Variants in TSPEAR observed in about 807,000 individuals in gnomAD.
TSPEAR encodes thrombospondin type laminin G domain and EAR repeats, also known as thrombospondin-type laminin G domain and EAR repeat-containing protein.
TSPEAR carries 69 observed loss-of-function variants against 71.6 expected under a neutral mutation model. That is an observed-to-expected ratio of 0.96 (90% confidence interval 0.79 to 1.18). The LOEUF (loss-of-function observed/expected upper bound fraction) is 1.18, where lower values mean the gene tolerates loss of function less well. Among genes scored for constraint, TSPEAR ranks in the 50% most tolerant of loss-of-function variants. The pLI, the probability that TSPEAR is intolerant of heterozygous loss-of-function variation, is 0.00. For missense variants in TSPEAR, 971 were observed against 894.9 expected, an observed-to-expected ratio of 1.09 and a Z score of -1.09; for synonymous variants, 402 against 387.2, an observed-to-expected ratio of 1.04 and a Z score of -0.45.
At chr21:44,510,048 CACTT>C (rs2052324466) in intron 9 of TSPEAR, 1 of 152,676 alleles carries the variant, frequency 6.5e-6, no homozygotes, top group East Asian at 1.9e-4. Flanking sequence ...CTCCATAAAT[CACTT>C]ACCACCGTCA....
At chr21:44,601,983 G>A (rs1017369509) in intron 1 of TSPEAR, 7 of 615,756 alleles carry the variant, frequency 1.1e-5, no homozygotes, top group African/African-American at 7.4e-5. Context: ...CAAGGCCAGC[G>A]GGTGCTCCCA....
At chr21:44,677,437 G>A in intron 1 of TSPEAR, 1 of 922,352 alleles carries the variant, frequency 1.1e-6, no homozygotes. Context: ...TTTGCAGTTT[G>A]CCTCAGAGCA....
At position 44,579,865 on chromosome 21, in the gene TSPEAR, G is replaced by T. The variant is rs1183332221; in HGVS notation, c.83-11860C>A. 5.4e-5 allele frequency: 86 copies of T among 1,598,270 alleles called. 1 individual carries two copies. Among genetic ancestry groups the T allele is most frequent in the Non-Finnish European group, 7.1e-5 (83 of 1,168,896 alleles). On this transcript the variant is annotated intron_variant, in intron 1 of 11. Transcript: ENST00000323084. ...AGGAGGAGGCAGGGGCACAGCAGGAGGAGATGGGCAGGCAGCAGGCGGGCC... is the reference window on the plus strand; with the variant it reads ...AGGAGGAGGCAGGGGCACAGCAGGATGAGATGGGCAGGCAGCAGGCGGGCC...
At chr21:44,570,562 C>T (rs587608619) in intron 1 of TSPEAR, among the ~76,000 whole-genome samples, 1 of 152,238 alleles carries the variant, frequency 6.6e-6, no homozygotes, top group South Asian at 2.1e-4. Context: ...CAGGTATAGC[C>T]ACTGAGGATG....
At chr21:44,701,812 C>A (rs1242257994) in intron 1 of TSPEAR, among the ~76,000 whole-genome samples, 1 of 152,242 alleles carries the variant, frequency 6.6e-6, no homozygotes, top group Non-Finnish European at 1.5e-5. Context: ...TAACAGGCCA[C>A]GGCTGTAGTG....
At chr21:44,629,686 G>A (rs2146207560) in intron 1 of TSPEAR, among the ~76,000 whole-genome samples, 1 of 152,286 alleles carries the variant, frequency 6.6e-6, no homozygotes, top group East Asian at 1.9e-4. Flanking sequence ...CTGCAGCGAT[G>A]GACATTTGGA....
At chr21:44,618,738 C>T (rs1982263990) in intron 1 of TSPEAR, among the ~76,000 whole-genome samples, 6 of 152,190 alleles carry the variant, frequency 3.9e-5, no homozygotes, top group Admixed American at 3.3e-4. Flanking sequence ...AGGACTAACA[C>T]ACAGGGCTTG....
rs782130059 is a variant in TSPEAR, at chr21:44,601,440, T to C, written c.83-33435A>G. 118 of 1,610,076 alleles carry C rather than the reference T, an allele frequency of 7.3e-5. 1 individual carries two copies. The East Asian group carries it at 2.7e-3, about 36-fold the overall frequency. On this transcript the variant is annotated intron_variant, in intron 1 of 11. Transcript: ENST00000323084. ...GCTGCGTGCCCGTCTGCTGTAAGCC[T>C]GTGTGCTGTGTGCCCGTCTGCTCTG... is the stretch of plus-strand genomic sequence containing the variant.
intron 1 of TSPEAR, chr21:44,677,601 G>T (rs2838627): frequency 0.76 from 792,037 of 1,047,588 alleles, 299,647 homozygotes; most frequent in African/African-American, 0.83. Context: ...TTCATCAATT[G>T]CAGGGTGATC....
At chr21:44,540,066 G>T in intron 2 of TSPEAR, 1 of 1,613,422 alleles carries the variant, frequency 6.2e-7, no homozygotes. Flanking sequence ...CAGCAGTGGG[G>T]CTCACAGCAG....
At chr21:44,512,555 G>C (rs957670737) in intron 9 of TSPEAR, among the ~76,000 whole-genome samples, 1 of 152,198 alleles carries the variant, frequency 6.6e-6, no homozygotes, top group Non-Finnish European at 1.5e-5. Flanking sequence ...GGAGCGTAGG[G>C]TGGAGGTGGC....
chr21:44,617,129 C>G (rs1982153005), intron 1 of TSPEAR, among the ~76,000 whole-genome samples: 1 of 152,208 alleles, frequency 6.6e-6, no homozygotes, highest in Non-Finnish European at 1.5e-5. Flanking sequence ...TCCTCCACAC[C>G]CCCAGCATGG....
chr21:44,624,151 T>C (rs1307076052), intron 1 of TSPEAR, among the ~76,000 whole-genome samples: 3 of 152,242 alleles, frequency 2.0e-5, no homozygotes, highest in Non-Finnish European at 4.4e-5. Flanking sequence ...CTCCCTTTCT[T>C]CACTAATCTT....
chr21:44,589,280 G>A (rs1409013835), intron 1 of TSPEAR, among the ~76,000 whole-genome samples: 1 of 152,182 alleles, frequency 6.6e-6, no homozygotes, highest in Non-Finnish European at 1.5e-5. Flanking sequence ...CCTTTTCATG[G>A]CTGAATAATA....
At chr21:44,575,968 G>A (rs1601436209) in intron 1 of TSPEAR, among the ~76,000 whole-genome samples, 1 of 152,218 alleles carries the variant, frequency 6.6e-6, no homozygotes, top group East Asian at 1.9e-4. Flanking sequence ...TGACCACCAT[G>A]AGCCCAGGGC....
chr21:44,509,409 G>A (rs1555912349), intron 9 of TSPEAR, 23 bp from the exon 10 acceptor site: 9 of 1,594,136 alleles, frequency 5.6e-6, no homozygotes, highest in East Asian at 2.3e-5. Context: ...GAGAGCAGGT[G>A]CAGAGGTGTG....
In TSPEAR at chr21:44,695,429, C is replaced by T. The variant is rs1463017749; in HGVS notation, c.82+16004G>A. Among the ~76,000 whole-genome samples, 1 of 152,148 alleles carries T rather than the reference C, an allele frequency of 6.6e-6. No homozygotes were observed. Among genetic ancestry groups the T allele is most frequent in the African/African-American group, 2.4e-5 (1 of 41,432 alleles). ...CAGGAAATGAATGCACGACTCAGGC[C>T]AGAGGCATCAGCTGGTCCTCCCTCC... On this transcript the variant is annotated intron_variant, in intron 1 of 11. Coordinates refer to ENST00000323084, the MANE Select transcript of TSPEAR (RefSeq NM_144991.3). This position sits in a 1 kb window ranked among gnomAD's most constrained non-coding sequence, Gnocchi z 4.5.
At chr21:44,580,369 C>G in intron 1 of TSPEAR, 1 of 1,613,580 alleles carries the variant, frequency 6.2e-7, no homozygotes, top group South Asian at 1.1e-5. Flanking sequence ...AGCACGAGGG[C>G]GTGCAGGAGC....
chr21:44,674,408 A>G (rs927637168), intron 1 of TSPEAR, among the ~76,000 whole-genome samples: 1 of 152,152 alleles, frequency 6.6e-6, no homozygotes, highest in Non-Finnish European at 1.5e-5. Flanking sequence ...ATTACAACTG[A>G]TACCATGGAA....
Sources: gnomAD v4.1 joint callset for allele counts (sites outside exome capture counted in the v4.1 genomes callset) on GRCh38, gnomAD v4.1.1 for gene constraint, Gnocchi (gnomAD v3.1) non-coding constraint, MANE v1.5 for transcripts, NCBI Gene and HGNC (gene_info 2026-07-23, HGNC 2026-07-21) for gene names.